MGAT4C: variants seen among roughly 807,000 people sequenced by gnomAD.
The protein encoded by MGAT4C is MGAT4 family member C.
A neutral mutation model predicts 40.1 loss-of-function variants in MGAT4C; 19 were observed. The observed-to-expected ratio is 0.47, with a 90% CI of 0.33 to 0.70. The LOEUF is 0.70. MGAT4C is among the 30% of genes least tolerant of loss of function. MGAT4C has a pLI of 0.02. For synonymous variants in MGAT4C, 181 were observed against 187.1 expected (o/e 0.97, Z 0.27); for missense variants, 491 against 563.2 (o/e 0.87, Z 1.30).
At chr12:86,634,272 A>C (rs11835122) in intron 2 of MGAT4C, among the ~76,000 whole-genome samples, 20,133 of 152,072 alleles carry the variant, frequency 0.13, 2,080 homozygotes, top group African/African-American at 0.29. Context: ...GGATTCAGAT[A>C]CTAGTTCAAA....
chr12:86,479,388 A>G (rs1957896009), intron 2 of MGAT4C, among the ~76,000 whole-genome samples: 1 of 151,950 alleles, frequency 6.6e-6, no homozygotes, highest in Non-Finnish European at 1.5e-5. Context: ...TATAGTCATG[A>G]TACTCTCTTG....
chr12:86,687,301 T>C (rs1311688550), intron 2 of MGAT4C, among the ~76,000 whole-genome samples: 3 of 152,196 alleles, frequency 2.0e-5, no homozygotes, highest in Non-Finnish European at 4.4e-5. Flanking sequence ...CTGGATTCAT[T>C]GATTTTTTGA....
At chr12:86,128,532 C>T (rs1335075469) in intron 1 of MGAT4C, among the ~76,000 whole-genome samples, 1 of 152,114 alleles carries the variant, frequency 6.6e-6, no homozygotes, top group Non-Finnish European at 1.5e-5. Context: ...AACTGTAAGT[C>T]CCATTAAACC....
chr12:86,452,303 C>A (rs973103780), intron 2 of MGAT4C, among the ~76,000 whole-genome samples: 1 of 151,710 alleles, frequency 6.6e-6, no homozygotes, highest in Admixed American at 6.6e-5. Flanking sequence ...GTGTGCTGCA[C>A]CCATTAACTC....
intron 1 of MGAT4C, among the ~76,000 whole-genome samples, chr12:86,740,609 T>C (rs554438791): frequency 2.0e-5 from 3 of 151,256 alleles, no homozygotes; most frequent in Admixed American, 1.3e-4. Flanking sequence ...GTTTGTACAG[T>C]AGAATGTCAA....
intron 2 of MGAT4C, among the ~76,000 whole-genome samples, chr12:86,514,851 C>T (rs1028522853): frequency 7.9e-5 from 12 of 152,174 alleles, no homozygotes; most frequent in Non-Finnish European, 1.6e-4. Context: ...AAACCTAATA[C>T]CTCATCATAA....
At chr12:86,631,575 G>C (rs1303803034) in intron 2 of MGAT4C, among the ~76,000 whole-genome samples, 4 of 151,992 alleles carry the variant, frequency 2.6e-5, no homozygotes, top group African/African-American at 9.7e-5. Flanking sequence ...CAATGGAACA[G>C]AACAGAGCCC....
intron 2 of MGAT4C, among the ~76,000 whole-genome samples, chr12:86,043,275 G>A (rs967996651): frequency 5.9e-5 from 9 of 152,094 alleles, no homozygotes; most frequent in East Asian, 1.9e-4. Context: ...ACAATAGGTC[G>A]TCTGCAAGCT....
At chr12:86,788,564 C>A (rs1004687521) in intron 1 of MGAT4C, among the ~76,000 whole-genome samples, 1 of 152,024 alleles carries the variant, frequency 6.6e-6, no homozygotes, top group African/African-American at 2.4e-5. Flanking sequence ...CAAAAAATTC[C>A]TTTTGTTTTC....
intron 1 of MGAT4C, among the ~76,000 whole-genome samples, chr12:86,735,334 T>C (rs770637182): frequency 7.9e-5 from 12 of 151,744 alleles, no homozygotes; most frequent in Non-Finnish European, 1.8e-4. Flanking sequence ...GCTGTTAAGG[T>C]GATGATTTCA....
At chr12:86,635,828 A>G (rs1384945210) in intron 2 of MGAT4C, among the ~76,000 whole-genome samples, 1 of 151,242 alleles carries the variant, frequency 6.6e-6, no homozygotes, top group Non-Finnish European at 1.5e-5. Context: ...TCAGCATGCA[A>G]CCATGTTCAG....
chr12:85,988,248 C>A (rs2136712182), intron 3 of MGAT4C, among the ~76,000 whole-genome samples: 1 of 152,178 alleles, frequency 6.6e-6, no homozygotes, highest in East Asian at 1.9e-4. Flanking sequence ...GAGTCAAAAT[C>A]TAGGATTCTG....
intron 2 of MGAT4C, among the ~76,000 whole-genome samples, chr12:86,630,708 C>T (rs1215209264): frequency 6.6e-6 from 1 of 152,128 alleles, no homozygotes; most frequent in African/African-American, 2.4e-5. Flanking sequence ...AACAACACTT[C>T]ATGCTAAAAA....
At chr12:86,180,415 C>A (rs1887982057) in intron 1 of MGAT4C, among the ~76,000 whole-genome samples, 1 of 152,184 alleles carries the variant, frequency 6.6e-6, no homozygotes, top group Non-Finnish European at 1.5e-5. Context: ...GAAGATGCCA[C>A]TATCCTTCAG....
At chr12:86,077,017 T>G (rs950345389) in intron 1 of MGAT4C, among the ~76,000 whole-genome samples, 5 of 152,174 alleles carry the variant, frequency 3.3e-5, no homozygotes, top group Admixed American at 2.0e-4. Context: ...TCTGCCTTCT[T>G]ACATTCTAGC....
chr12:86,792,126 C>T (rs1952032898), intron 1 of MGAT4C, among the ~76,000 whole-genome samples: 1 of 152,140 alleles, frequency 6.6e-6, no homozygotes, highest in South Asian at 2.1e-4. Flanking sequence ...TATTTTCTTA[C>T]AGTCAGGTAA....
intron 1 of MGAT4C, among the ~76,000 whole-genome samples, chr12:86,833,549 T>C (rs747030682): frequency 2.0e-5 from 3 of 151,888 alleles, no homozygotes; most frequent in African/African-American, 7.2e-5. Flanking sequence ...CAGTCTTTCC[T>C]CTGTGTAAGT....
At chr12:86,310,345 TA>T (rs1954040285) in intron 4 of MGAT4C, among the ~76,000 whole-genome samples, 1 of 152,114 alleles carries the variant, frequency 6.6e-6, no homozygotes, top group African/African-American at 2.4e-5. Flanking sequence ...TGATCAAAGG[TA>T]GTGTTCTCAG....
intron 1 of MGAT4C, among the ~76,000 whole-genome samples, chr12:86,058,638 G>A (rs1163517714): frequency 3.3e-5 from 5 of 151,916 alleles, no homozygotes; most frequent in African/African-American, 1.2e-4. Context: ...CTTATCCAAG[G>A]CAACATATAT....
Sources: gnomAD v4.1 joint callset for allele counts (sites outside exome capture counted in the v4.1 genomes callset) on GRCh38, gnomAD v4.1.1 for gene constraint, MANE v1.5 for transcripts, NCBI Gene and HGNC (gene_info 2026-07-23, HGNC 2026-07-21) for gene names.